The following PTPRN2 variants were observed in gnomAD, a reference collection of about 807,000 sequenced individuals.
The protein encoded by PTPRN2 is protein tyrosine phosphatase receptor type N2.
In PTPRN2, 74 loss-of-function variants were observed where a neutral mutation model predicts 118.8. The ratio of observed to expected loss-of-function variants is 0.62; its 90% CI spans 0.52 to 0.76. The LOEUF (loss-of-function observed/expected upper bound fraction) is 0.76, where lower values mean the gene tolerates loss of function less well. Ranked by LOEUF, PTPRN2 falls within the 30% of genes least tolerant of loss-of-function variation. The pLI, the probability that PTPRN2 is intolerant of heterozygous loss-of-function variation, is 0.00. For synonymous variants in PTPRN2, 641 were observed against 608.0 expected (o/e 1.05, Z -0.80); for missense variants, 1,481 against 1,394.4 (o/e 1.06, Z -0.99).
At chr7:158,441,574 A>ATGGCAGTGG (rs1563298149) in intron 2 of PTPRN2, among the ~76,000 whole-genome samples, 1 of 134,768 alleles carries the variant, frequency 7.4e-6, no homozygotes, top group African/African-American at 2.9e-5. Context: ...AGTGATGGTG[A>ATGGCAGTGG]TGGCAGTGGT....
rs916619722 is a variant in PTPRN2 at position 158,544,395 on chromosome 7, G to T, written c.112+43163C>A. Among the ~76,000 whole-genome samples, 1 of 152,194 alleles carries T rather than the reference G, an allele frequency of 6.6e-6. No homozygotes were observed. Among genetic ancestry groups the T allele is most frequent in the South Asian group, 2.1e-4 (1 of 4,820 alleles). On this transcript the variant is annotated intron_variant, in intron 1 of 22. Coordinates refer to ENST00000389418, the MANE Select transcript of PTPRN2 (RefSeq NM_002847.5). This position sits in a 1 kb window ranked among gnomAD's most constrained non-coding sequence, Gnocchi z 4.2. Reference sequence around the variant, plus strand: ...TCATGCCTGTAATCCCAGCACTTTGGGAGGCCAAGGCGGATGGATCACTTG... The same window carrying T: ...TCATGCCTGTAATCCCAGCACTTTGTGAGGCCAAGGCGGATGGATCACTTG...
At position 157,832,707 on chromosome 7, in the gene PTPRN2, G is replaced by A. The variant is rs375021619; in HGVS notation, c.1788+65966C>T. On this transcript the variant is annotated intron_variant, in intron 12 of 22. Transcript: ENST00000389418. ...CACAGTTTCCAAACACATATGCTTC[G>A]CGTGGGAATCTGGGGTTGATTCAAA... Among the ~76,000 whole-genome samples the A allele has an allele frequency of 1.7e-3, 257 of 152,322 alleles. 1 individual carries two copies. Among genetic ancestry groups the A allele is most frequent in the African/African-American group, 5.7e-3 (238 of 41,580 alleles).
intron 13 of PTPRN2, among the ~76,000 whole-genome samples, chr7:157,672,563 CA>C (rs1330787547): frequency 6.6e-6 from 1 of 152,122 alleles, no homozygotes; most frequent in Non-Finnish European, 1.5e-5. Context: ...AAGGCCATTC[CA>C]GGAAGATTGC....
At chr7:158,018,043 T>C (rs1806573637) in intron 11 of PTPRN2, among the ~76,000 whole-genome samples, 1 of 152,112 alleles carries the variant, frequency 6.6e-6, no homozygotes, top group Admixed American at 6.5e-5. Context: ...CACCTCACAG[T>C]TTCTGGGGCC....
chr7:158,141,356 C>T (rs775300150), intron 6 of PTPRN2, among the ~76,000 whole-genome samples: 4 of 152,224 alleles, frequency 2.6e-5, no homozygotes, highest in South Asian at 2.1e-4. Context: ...CTCAGCCGCA[C>T]GTCCCGTCCT....
chr7:158,434,920 C>T (rs1362333201), intron 2 of PTPRN2, among the ~76,000 whole-genome samples: 3 of 152,054 alleles, frequency 2.0e-5, no homozygotes, highest in East Asian at 1.9e-4. Context: ...AAAATTGGAC[C>T]GTTACCTTAT....
intron 12 of PTPRN2, among the ~76,000 whole-genome samples, chr7:157,769,075 C>A (rs969491867): frequency 1.3e-5 from 2 of 152,178 alleles, no homozygotes; most frequent in Non-Finnish European, 2.9e-5. Flanking sequence ...TCTTCATTAA[C>A]CACAGCGAAC....
At chr7:157,681,132 C>T (rs1796897519) in intron 13 of PTPRN2, among the ~76,000 whole-genome samples, 1 of 151,926 alleles carries the variant, frequency 6.6e-6, no homozygotes, top group Non-Finnish European at 1.5e-5. Flanking sequence ...TTTCTGCATG[C>T]AAGTCCAACC....
chr7:157,785,830 C>T lies in PTPRN2; in HGVS notation c.1789-102893G>A, dbSNP rs549666610. On this transcript the variant is annotated intron_variant, in intron 12 of 22. Transcript: ENST00000389418. This position sits in a 1 kb window ranked among gnomAD's most constrained non-coding sequence, Gnocchi z 7.3. ...GCGCAGGGGGCCCAGCTGAAGCCTG[C>T]GTTTTCCCTTCTGCACAACAGCGGA... Among the ~76,000 whole-genome samples, 2 of 152,158 alleles carry T rather than the reference C, an allele frequency of 1.3e-5. No individual in the cohort carries two copies. Among genetic ancestry groups the T allele is most frequent in the Non-Finnish European group, 2.9e-5 (2 of 68,022 alleles).
chr7:158,325,573 T>G (rs991129542), intron 2 of PTPRN2, among the ~76,000 whole-genome samples: 4 of 152,238 alleles, frequency 2.6e-5, no homozygotes, highest in African/African-American at 9.6e-5. Context: ...AACTGATTTA[T>G]CTCAGCTGCC....
intron 17 of PTPRN2, among the ~76,000 whole-genome samples, chr7:157,592,427 G>A (rs1429550386): frequency 6.6e-6 from 1 of 152,068 alleles, no homozygotes; most frequent in African/African-American, 2.4e-5. Context: ...GGGCATCATC[G>A]TGGTCGTTGA....
intron 11 of PTPRN2, among the ~76,000 whole-genome samples, chr7:157,902,620 T>C (rs1330967495): frequency 2.0e-5 from 3 of 152,168 alleles, no homozygotes; most frequent in African/African-American, 7.2e-5. Context: ...GGGACCAGCA[T>C]TGTGCTGTGG....
At chr7:158,538,294 C>T (rs181603617) in intron 1 of PTPRN2, among the ~76,000 whole-genome samples, 76 of 152,340 alleles carry the variant, frequency 5.0e-4, no homozygotes, top group Admixed American at 2.4e-3. Flanking sequence ...CCTGCTCGTC[C>T]GGTGACTGGC....
chr7:158,246,194 G>A lies in PTPRN2; in HGVS notation c.278-40921C>T, dbSNP rs770472653. Reference sequence around the variant, plus strand: ...AATACACCTTTCTCGTAAGCTTCTCGGCACATACGGCAAAATATAAATACC... The same window carrying A: ...AATACACCTTTCTCGTAAGCTTCTCAGCACATACGGCAAAATATAAATACC... On this transcript the variant is annotated intron_variant, in intron 3 of 22. Transcript: ENST00000389418. 1.1e-4 allele frequency among the ~76,000 whole-genome samples: 17 copies of A among 151,546 alleles called. 1 individual carries two copies. The highest frequency in any genetic ancestry group is 3.4e-4 in the African/African-American group (14 of 41,090).
intron 22 of PTPRN2, among the ~76,000 whole-genome samples, chr7:157,544,573 G>C (rs1798185715): frequency 6.6e-6 from 1 of 152,252 alleles, no homozygotes; most frequent in South Asian, 2.1e-4. Context: ...CGTCCAGTGA[G>C]GAGGGCATGG....
intron 2 of PTPRN2, among the ~76,000 whole-genome samples, chr7:158,414,208 C>A (rs116319488): frequency 1.3e-5 from 2 of 152,014 alleles, no homozygotes; most frequent in Non-Finnish European, 1.5e-5. Flanking sequence ...CAACCCCGAA[C>A]GGCCCATAGC....
chr7:158,356,566 C>T (rs1808398621), intron 2 of PTPRN2, among the ~76,000 whole-genome samples: 1 of 152,224 alleles, frequency 6.6e-6, no homozygotes, highest in African/African-American at 2.4e-5. Flanking sequence ...CTGTGGAGCA[C>T]AGGGCTTCCC....
chr7:157,888,326 C>CT (rs1796603871), intron 12 of PTPRN2, among the ~76,000 whole-genome samples: 1 of 152,166 alleles, frequency 6.6e-6, no homozygotes, highest in Admixed American at 6.5e-5. Flanking sequence ...CCCGTGAACT[C>CT]TGACACCTCA....
At chr7:158,378,824 A>C (rs1331471901) in intron 2 of PTPRN2, among the ~76,000 whole-genome samples, 17 of 152,350 alleles carry the variant, frequency 1.1e-4, no homozygotes, top group Non-Finnish European at 1.9e-4. Flanking sequence ...TGGTATTAGT[A>C]ATAGCTGAGA....
Sources: gnomAD v4.1 joint callset for allele counts (sites outside exome capture counted in the v4.1 genomes callset) on GRCh38, gnomAD v4.1.1 for gene constraint, Gnocchi (gnomAD v3.1) non-coding constraint, MANE v1.5 for transcripts, NCBI Gene and HGNC (gene_info 2026-07-23, HGNC 2026-07-21) for gene names.